The following CECR2 variants were observed in gnomAD, a reference collection of about 807,000 sequenced individuals.
CECR2 encodes the protein CECR2 histone acetyl-lysine reader, also known as chromatin remodeling regulator CECR2.
In CECR2, 30 loss-of-function variants were observed where a neutral mutation model predicts 154.5. That is an observed-to-expected ratio of 0.19 (90% CI 0.15 to 0.26). The LOEUF is 0.26. CECR2 is among the 10% of genes least tolerant of loss of function. The pLI, the probability that CECR2 is intolerant of heterozygous loss-of-function variation, is 1.00. For synonymous variants in CECR2, 725 were observed against 683.7 expected, an observed-to-expected ratio of 1.06 and a Z score of -0.94; for missense variants, 1,743 against 1,829.3, an observed-to-expected ratio of 0.95 and a Z score of 0.86.
chr22:17,480,419 TACACACAC>T (rs55977287), intron 2 of CECR2, among the ~76,000 whole-genome samples: 4,334 of 137,400 alleles, frequency 0.032, 213 homozygotes, highest in African/African-American at 0.11. Flanking sequence ...TCATGTATAA[TACACACAC>T]ACACACACAC....
At chr22:17,520,188 C>A (rs1016540769) in intron 8 of CECR2, among the ~76,000 whole-genome samples, 2 of 152,054 alleles carry the variant, frequency 1.3e-5, no homozygotes, top group African/African-American at 4.8e-5. Context: ...TTTAATGTAC[C>A]CTGTACTGAT....
chr22:17,370,808 C>CTATTTT (rs1375300270), intron 1 of CECR2, among the ~76,000 whole-genome samples: 3 of 152,214 alleles, frequency 2.0e-5, no homozygotes, highest in East Asian at 1.9e-4. Context: ...CCCCTTTCTC[C>CTATTTT]TATTTTTATT....
At chr22:17,533,576 C>T (rs558261309) in intron 9 of CECR2, among the ~76,000 whole-genome samples, 5 of 150,724 alleles carry the variant, frequency 3.3e-5, no homozygotes, top group Non-Finnish European at 7.4e-5. Context: ...GCTACAGTGA[C>T]CTGAAATCAC....
chr22:17,385,731 G>A (rs974450563), intron 1 of CECR2, among the ~76,000 whole-genome samples: 5 of 152,200 alleles, frequency 3.3e-5, no homozygotes, highest in African/African-American at 1.2e-4. Flanking sequence ...GCTACTCGCA[G>A]GGTCGGCACG....
intron 1 of CECR2, among the ~76,000 whole-genome samples, chr22:17,434,103 C>T (rs1412930010): frequency 1.5e-5 from 2 of 129,904 alleles, no homozygotes; most frequent in Non-Finnish European, 3.1e-5. Context: ...ACGTATTTCA[C>T]TTACTTACTC....
intron 16 of CECR2, among the ~76,000 whole-genome samples, chr22:17,545,727 C>T (rs1225557596): frequency 6.6e-6 from 1 of 151,492 alleles, no homozygotes; most frequent in Non-Finnish European, 1.5e-5. Context: ...CCTGTAATCC[C>T]AGCTCCTCGG....
At chr22:17,520,044 C>T (rs1210920156) in intron 8 of CECR2, among the ~76,000 whole-genome samples, 6 of 152,174 alleles carry the variant, frequency 3.9e-5, no homozygotes, top group African/African-American at 1.4e-4. Flanking sequence ...CCACCTTGGC[C>T]TCCCAAGGTG....
At chr22:17,539,726 A>G (rs899690159) in intron 13 of CECR2, among the ~76,000 whole-genome samples, 1 of 152,132 alleles carries the variant, frequency 6.6e-6, no homozygotes, top group African/African-American at 2.4e-5. Context: ...TGGGTCATTT[A>G]TGCATTAACT....
chr22:17,446,454 T>A (rs373304017), intron 1 of CECR2, among the ~76,000 whole-genome samples: 26 of 152,110 alleles, frequency 1.7e-4, no homozygotes, highest in African/African-American at 3.6e-4. Flanking sequence ...GCGGTGGCTC[T>A]TGCCTGTAAT....
At chr22:17,493,036 A>G (rs2055558875) in intron 2 of CECR2, among the ~76,000 whole-genome samples, 1 of 152,046 alleles carries the variant, frequency 6.6e-6, no homozygotes, top group African/African-American at 2.4e-5. Context: ...CAGTGGTGCA[A>G]TCTCAGCTCA....
rs185486342 is a variant in CECR2 at position 17,469,146 on chromosome 22, A to G, written c.127-8442A>G. Reference sequence around the variant, plus strand: ...GTGGTAGGTTCCTGTGATTGAATCAATTCAATCAGCTCAGCATCTTATGGA... The same window carrying G: ...GTGGTAGGTTCCTGTGATTGAATCAGTTCAATCAGCTCAGCATCTTATGGA... On this transcript the variant is annotated intron_variant, in intron 1 of 18. Transcript: ENST00000262608. Among the ~76,000 whole-genome samples, 60 of 152,032 alleles carry G rather than the reference A, an allele frequency of 3.9e-4. 2 individuals are homozygous for G. The Middle Eastern group carries it at 0.027, about 69-fold the overall frequency.
intron 1 of CECR2, among the ~76,000 whole-genome samples, chr22:17,444,596 G>C (rs2054631605): frequency 6.6e-6 from 1 of 151,940 alleles, no homozygotes; most frequent in Admixed American, 6.6e-5. Context: ...TCTAGCCTGG[G>C]CGACAAAGTG....
At chr22:17,461,023 A>T (rs923745677) in intron 1 of CECR2, among the ~76,000 whole-genome samples, 1 of 152,022 alleles carries the variant, frequency 6.6e-6, no homozygotes, top group Non-Finnish European at 1.5e-5. Flanking sequence ...CTCTTTGTAG[A>T]CCTGTCAATC....
chr22:17,482,110 G>T (rs2055332438), intron 2 of CECR2, among the ~76,000 whole-genome samples: 1 of 67,106 alleles, frequency 1.5e-5, no homozygotes, highest in Non-Finnish European at 2.6e-5. Context: ...TCGAGACTCT[G>T]TCTCCAAAAA....
At chr22:17,486,723 C>CAT (rs781212117) in intron 2 of CECR2, among the ~76,000 whole-genome samples, 61 of 152,294 alleles carry the variant, frequency 4.0e-4, no homozygotes, top group Middle Eastern at 3.4e-3. Context: ...AATAAGGATA[C>CAT]ATATATATGG....
intron 6 of CECR2, 65 bp from the exon 7 acceptor site, chr22:17,504,782 T>G: frequency 6.9e-7 from 1 of 1,453,430 alleles, no homozygotes; most frequent in Non-Finnish European, 9.5e-7. Flanking sequence ...GAAACAAAAT[T>G]GAGAATAAAT....
intron 1 of CECR2, among the ~76,000 whole-genome samples, chr22:17,423,527 G>T (rs1188085724): frequency 1.3e-5 from 2 of 151,386 alleles, no homozygotes; most frequent in East Asian, 1.9e-4. Context: ...AAAAGAAGAA[G>T]AATTAAGTGC....
rs530084554 is a variant in CECR2 at position 17,481,168 on chromosome 22, C to A, written c.221+3486C>A. 2.0e-5 allele frequency among the ~76,000 whole-genome samples: 3 copies of A among 150,160 alleles called. No homozygotes were observed. In the East Asian group the frequency reaches 5.9e-4, roughly 29 times the overall value. ...ACCATCCTGGCTAACACGGTGAAAC[C>A]CCGTCTCTACTAAAAATACAAAAAA... On this transcript the variant is annotated intron_variant, in intron 2 of 18. Coordinates refer to ENST00000262608, the MANE Select transcript of CECR2 (RefSeq NM_001290047.2).
intron 1 of CECR2, among the ~76,000 whole-genome samples, chr22:17,455,673 G>A (rs1362713763): frequency 2.6e-5 from 4 of 152,226 alleles, no homozygotes; most frequent in Non-Finnish European, 5.9e-5. Context: ...GAGTGCAGTG[G>A]CGCAATCTCG....
Sources: allele counts gnomAD v4.1 joint callset (sites outside exome capture counted in the v4.1 genomes callset), GRCh38; gene constraint gnomAD v4.1.1; transcripts MANE v1.5; gene names NCBI Gene and HGNC (gene_info 2026-07-23, HGNC 2026-07-21).